The following NPAS3 variants were observed in gnomAD, a reference collection of about 807,000 sequenced individuals.
NPAS3 encodes neuronal PAS domain protein 3.
NPAS3 carries 14 observed loss-of-function variants against 73.1 expected under a neutral mutation model. That is an observed-to-expected ratio of 0.19 (90% CI 0.13 to 0.30). NPAS3 has a LOEUF of 0.30. Ranked by LOEUF, NPAS3 falls within the 10% of genes least tolerant of loss-of-function variation. The pLI, the probability that NPAS3 is intolerant of heterozygous loss-of-function variation, is 1.00. For synonymous variants in NPAS3, 620 were observed against 541.5 expected, an observed-to-expected ratio of 1.14 and a Z score of -2.01; for missense variants, 1,096 against 1,250.0, an observed-to-expected ratio of 0.88 and a Z score of 1.86.
At chr14:33,367,896 T>A (rs1035936727) in intron 4 of NPAS3, among the ~76,000 whole-genome samples, 3 of 152,192 alleles carry the variant, frequency 2.0e-5, no homozygotes, top group African/African-American at 7.2e-5. Context: ...AGAAAATTCA[T>A]TGCAAACTCG....
chr14:33,146,152 G>GT (rs2044230641), intron 2 of NPAS3, among the ~76,000 whole-genome samples: 1 of 152,108 alleles, frequency 6.6e-6, no homozygotes, highest in Non-Finnish European at 1.5e-5. Context: ...CTTTTTACCT[G>GT]TTTTTTCTAT....
At chr14:32,938,467 G>GAGAGAGAGAGAGAA, upstream of NPAS3, among the ~76,000 whole-genome samples, 1 of 123,908 alleles carries the variant, frequency 8.1e-6, no homozygotes, top group African/African-American at 3.0e-5. Flanking sequence ...AAGAGAGAGA[G>GAGAGAGAGAGAGAA]AGAGAGAGAG....
chr14:33,236,306 T>A (rs1006696464), intron 3 of NPAS3, among the ~76,000 whole-genome samples: 46 of 152,222 alleles, frequency 3.0e-4, no homozygotes, highest in African/African-American at 1.1e-3. Flanking sequence ...CTCCTGTGTG[T>A]TACTTGCACA....
chr14:33,381,702 A>G (rs552348396), intron 4 of NPAS3, among the ~76,000 whole-genome samples: 2 of 152,340 alleles, frequency 1.3e-5, no homozygotes, highest in East Asian at 1.9e-4. Context: ...TTACAATGGA[A>G]GTTTTTCAAG....
At chr14:33,498,448 C>T (rs188353125) in intron 4 of NPAS3, among the ~76,000 whole-genome samples, 127 of 152,156 alleles carry the variant, frequency 8.3e-4, no homozygotes, top group Non-Finnish European at 1.5e-3. Flanking sequence ...AACCCAAATG[C>T]CCATCAATGA....
intron 4 of NPAS3, among the ~76,000 whole-genome samples, chr14:33,423,085 T>C (rs1312775118): frequency 1.3e-5 from 2 of 151,982 alleles, no homozygotes. Flanking sequence ...CTCCTGTGTT[T>C]AAGTATGAGG....
chr14:33,512,786 A>G (rs993328298), intron 4 of NPAS3, among the ~76,000 whole-genome samples: 5 of 152,118 alleles, frequency 3.3e-5, no homozygotes, highest in Non-Finnish European at 7.4e-5. Flanking sequence ...CTATGTAGAT[A>G]TAAAGATGGA....
At chr14:33,510,524 A>G (rs1415497198) in intron 4 of NPAS3, among the ~76,000 whole-genome samples, 1 of 152,064 alleles carries the variant, frequency 6.6e-6, no homozygotes, top group African/African-American at 2.4e-5. Context: ...AATTCCTCAC[A>G]AGCATGAGTT....
chr14:32,946,172 TATA>T (rs1198107688), intron 1 of NPAS3, among the ~76,000 whole-genome samples: 1 of 152,220 alleles, frequency 6.6e-6, no homozygotes, highest in Admixed American at 6.5e-5. Flanking sequence ...TATCTGGCAT[TATA>T]ATAATGGCAG....
chr14:33,225,373 A>G (rs370548671), intron 3 of NPAS3, among the ~76,000 whole-genome samples: 5 of 152,152 alleles, frequency 3.3e-5, no homozygotes, highest in East Asian at 1.9e-4. Flanking sequence ...TACATTTTCT[A>G]TTCTTCCAGT....
chr14:33,154,057 A>G (rs1005172503), intron 2 of NPAS3, among the ~76,000 whole-genome samples: 3 of 152,096 alleles, frequency 2.0e-5, no homozygotes, highest in African/African-American at 7.2e-5. Context: ...TTGTTGTACA[A>G]ATATTTAGAG....
chr14:33,661,505 A>G (rs1205930674), intron 5 of NPAS3, among the ~76,000 whole-genome samples: 3 of 152,230 alleles, frequency 2.0e-5, no homozygotes, highest in Admixed American at 6.5e-5. Context: ...TGTAATGTCC[A>G]GAATTGCCAC....
At position 33,800,774 on chromosome 14, in the gene NPAS3, G is replaced by T. The variant is rs1473882549; in HGVS notation, c.2467G>T (p.Val823Phe). ...CGCCACCAGCACGGCCGCGCAGAGG[G>T]TCTACACCACGGGCACCATCCGCTA... Residue 823 changes from valine (V) to phenylalanine (F), a missense_variant, in exon 12 of 12, where the codon GTC (valine) becomes TTC (phenylalanine). Transcript: ENST00000356141. The surrounding 1 kb of genome is among the most constrained non-coding windows in gnomAD (Gnocchi z 6.5). 7 of 1,578,950 alleles carry T rather than the reference G, an allele frequency of 4.4e-6. No individual in the cohort carries two copies. The highest frequency in any genetic ancestry group is 6.0e-6 in the Non-Finnish European group (7 of 1,163,980).
intron 5 of NPAS3, among the ~76,000 whole-genome samples, chr14:33,604,102 A>G (rs535441714): frequency 1.3e-5 from 2 of 152,244 alleles, no homozygotes; most frequent in East Asian, 1.9e-4. Context: ...GAAAGAAGGC[A>G]GAAAAAGAGA....
chr14:33,171,010 A>G (rs971670187), intron 2 of NPAS3, among the ~76,000 whole-genome samples: 1 of 152,214 alleles, frequency 6.6e-6, no homozygotes, highest in African/African-American at 2.4e-5. Context: ...AGGAATCACT[A>G]CCTACGGCAG....
intron 2 of NPAS3, among the ~76,000 whole-genome samples, chr14:33,197,267 G>GTGTGTGTGTGTGT (rs1555353807): frequency 2.0e-5 from 3 of 148,834 alleles, no homozygotes; most frequent in South Asian, 2.1e-4. Flanking sequence ...GTGTGTGTGT[G>GTGTGTGTGTGTGT]TTCTTTTTCA....
At chr14:33,156,499 C>T (rs1362786176) in intron 2 of NPAS3, among the ~76,000 whole-genome samples, 4 of 152,158 alleles carry the variant, frequency 2.6e-5, no homozygotes, top group African/African-American at 9.6e-5. Context: ...TCTTCGAACA[C>T]CTCCTTACTT....
At chr14:33,178,969 C>T (rs778972953) in intron 2 of NPAS3, among the ~76,000 whole-genome samples, 85 of 151,978 alleles carry the variant, frequency 5.6e-4, no homozygotes, top group Non-Finnish European at 1.0e-3. Flanking sequence ...TGTCTTTTTT[C>T]GTGTTGTAGA....
intron 1 of NPAS3, among the ~76,000 whole-genome samples, chr14:32,951,093 A>G (rs889548302): frequency 1.3e-5 from 2 of 152,138 alleles, no homozygotes; most frequent in Non-Finnish European, 2.9e-5. Context: ...ATGGAATGGC[A>G]TAAATCCTGG....
Sources: gnomAD v4.1 joint callset for allele counts (sites outside exome capture counted in the v4.1 genomes callset) on GRCh38, gnomAD v4.1.1 for gene constraint, Gnocchi (gnomAD v3.1) non-coding constraint, MANE v1.5 for transcripts, NCBI Gene and HGNC (gene_info 2026-07-23, HGNC 2026-07-21) for gene names.